MYO7B: variants seen among roughly 807,000 people sequenced by gnomAD.
MYO7B encodes the protein unconventional myosin-VIIb.
Under a neutral mutation model 259.7 loss-of-function variants are expected in MYO7B, and 212 were observed. That is an observed-to-expected ratio of 0.82 (90% CI 0.73 to 0.91). MYO7B has a LOEUF of 0.91. MYO7B is among the 40% of genes least tolerant of loss of function. The probability of loss-of-function intolerance (pLI) is 0.00; values close to 1 mark genes in which losing one functional copy is unlikely to be tolerated. For synonymous variants in MYO7B, 1,197 were observed against 1,166.4 expected (o/e 1.03, Z -0.54); for missense variants, 2,732 against 2,813.5 (o/e 0.97, Z 0.66).
At chr2:127,621,878 C>G in intron 27 of MYO7B, 104 bp from the exon 28 acceptor site, 1 of 1,491,862 alleles carries the variant, frequency 6.7e-7, no homozygotes, top group East Asian at 2.5e-5. Context: ...CCTCAATGCA[C>G]ATTATACACT....
rs555584636 is a variant in MYO7B, at chr2:127,609,145, G to A, written c.2814+267G>A. Among the ~76,000 whole-genome samples, 4 of 152,270 alleles carry A rather than the reference G, an allele frequency of 2.6e-5. No homozygotes were observed. Among genetic ancestry groups the A allele is most frequent in the Non-Finnish European group, 4.4e-5 (3 of 68,010 alleles). ...GGCTCTCCATCACATGGCATTCCCC[G>A]CGTATATTTGACCCCACCCGGGCAC... is the stretch of plus-strand genomic sequence containing the variant. On this transcript the variant is annotated intron_variant, in intron 22 of 47. Coordinates refer to ENST00000409816, the MANE Select transcript of MYO7B (RefSeq NM_001393586.1). This position sits in a 1 kb window ranked among gnomAD's most constrained non-coding sequence, Gnocchi z 6.9.
rs1677981852 is a variant in MYO7B at position 127,559,569 on chromosome 2, C to T, written c.-23-131C>T. Reference sequence around the variant, plus strand: ...GTGACTCATTCATCCATTTATTCAGCATTGTTTTTGAGCCAGGTCCCATGC... The same window carrying T: ...GTGACTCATTCATCCATTTATTCAGTATTGTTTTTGAGCCAGGTCCCATGC... On this transcript the variant is annotated intron_variant, in intron 1 of 47. Transcript: ENST00000409816. The surrounding 1 kb of genome is among the most constrained non-coding windows in gnomAD (Gnocchi z 4.1). The T allele has an allele frequency of 1.3e-6, 1 of 775,934 alleles. No individual in the cohort carries two copies. The highest frequency in any genetic ancestry group is 2.2e-6 in the Non-Finnish European group (1 of 444,878). The allele number at this position is 775,934 out of a possible 1,614,324, so 48.1% of individuals were successfully genotyped here. A position where few individuals can be genotyped will look rare whatever the true frequency, so the allele number is the denominator to read the frequency against.
Position 127,590,276 on chromosome 2 carries a change from G to C in MYO7B, c.1992+47G>C, listed in dbSNP as rs750717960. ...ACAGCAAAGGAGGGAGGAGGAGGAG[G>C]CTGATGGCCTCTAGGGTTGTGGTCA... On this transcript the variant is annotated intron_variant, in intron 16 of 47. Coordinates refer to ENST00000409816, the MANE Select transcript of MYO7B (RefSeq NM_001393586.1). The surrounding 1 kb of genome is among the most constrained non-coding windows in gnomAD (Gnocchi z 4.6). 5.6e-6 allele frequency: 9 copies of C among 1,611,410 alleles called. No individual in the cohort carries two copies. In the African/African-American group the frequency reaches 1.1e-4, roughly 19 times the overall value.
chr2:127,566,835 A>T lies in MYO7B; in HGVS notation c.470+8A>T, dbSNP rs758553684. 12 of 1,604,746 alleles carry T rather than the reference A, an allele frequency of 7.5e-6. No individual in the cohort carries two copies. Among genetic ancestry groups the T allele is most frequent in the Non-Finnish European group, 1.0e-5 (12 of 1,178,060 alleles). On this transcript the variant is annotated splice_region_variant and intron_variant, in intron 5 of 47. Transcript: ENST00000409816. ...CCAGTGCTGCATCATCAGGTGAGGC[A>T]GAGGGGTCAGGCACCACCTCCAGGC... is the stretch of plus-strand genomic sequence containing the variant.
chr2:127,624,055 A>G (rs756142833), intron 29 of MYO7B, 38 bp from the exon 30 acceptor site: 2 of 1,521,268 alleles, frequency 1.3e-6, no homozygotes, highest in Non-Finnish European at 1.8e-6. Context: ...TGGGGCATGC[A>G]ACAGCCGCTA....
In MYO7B at chr2:127,615,340, T is replaced by C. The variant is rs1680531055; in HGVS notation, c.3398+2737T>C. ...CTACTGTCACTACTTGAGACCATCG[T>C]TATGAGACAGAACAAAGGGGGATGA... On this transcript the variant is annotated intron_variant, in intron 26 of 47. Transcript: ENST00000409816. This position sits in a 1 kb window ranked among gnomAD's most constrained non-coding sequence, Gnocchi z 4.4. 6.6e-6 allele frequency among the ~76,000 whole-genome samples: 1 copy of C among 152,022 alleles called. No individual in the cohort carries two copies. Among genetic ancestry groups the C allele is most frequent in the Non-Finnish European group, 1.5e-5 (1 of 68,020 alleles).
intron 1 of MYO7B, among the ~76,000 whole-genome samples, chr2:127,557,305 T>C (rs994102914): frequency 1.3e-5 from 2 of 152,166 alleles, no homozygotes; most frequent in African/African-American, 4.8e-5. Context: ...CCTCATTTCT[T>C]GTGTCATTTT....
At position 127,540,618 on chromosome 2, in the gene MYO7B, T is replaced by C. The variant is rs542190019; in HGVS notation, c.-24+4787T>C. Among the ~76,000 whole-genome samples the C allele has an allele frequency of 2.6e-5, 4 of 152,332 alleles. No individual in the cohort carries two copies. The East Asian group carries it at 5.8e-4, about 22-fold the overall frequency. On this transcript the variant is annotated intron_variant, in intron 1 of 47. Coordinates refer to ENST00000409816, the MANE Select transcript of MYO7B (RefSeq NM_001393586.1). ...GAAAAAGTGTTCCTCAAGGGCTTTT[T>C]CTGGAATGAAGGGGGGCATCCAATG...
At chr2:127,593,232 G>C (rs747725223) in intron 17 of MYO7B, among the ~76,000 whole-genome samples, 21 of 152,200 alleles carry the variant, frequency 1.4e-4, no homozygotes, top group Non-Finnish European at 2.9e-4. Context: ...CTCTCCTACC[G>C]CGTCAGGGAG....
chr2:127,634,434 G>A (rs1558855892), intron 41 of MYO7B, 145 bp downstream of exon 41: 1 of 869,634 alleles, frequency 1.1e-6, no homozygotes, highest in South Asian at 1.7e-5. Flanking sequence ...GAGGTAGGTG[G>A]GGTCCTGGAG....
intron 19 of MYO7B, among the ~76,000 whole-genome samples, chr2:127,602,810 G>A (rs1052105671): frequency 4.6e-5 from 7 of 152,226 alleles, no homozygotes; most frequent in African/African-American, 1.7e-4. Context: ...ACCAGCCTGA[G>A]CAACATGGTG....
At position 127,628,127 on chromosome 2, in the gene MYO7B, T is replaced by G; in HGVS notation, c.4461-245T>G. 4 of 649,222 alleles carry G rather than the reference T, an allele frequency of 6.2e-6. No homozygotes were observed. The highest frequency in any genetic ancestry group is 8.5e-6 in the Non-Finnish European group (3 of 351,872). 40.2% of individuals were successfully genotyped at this position (649,222 alleles called of 1,614,324 possible). A position where few individuals can be genotyped will look rare whatever the true frequency, so the allele number is the denominator to read the frequency against. Reference sequence around the variant, plus strand: ...GTGTCACTGCACACCAGCCACCTCATTATCTGCCCACAGCCAACCCCACAC... The same window carrying G: ...GTGTCACTGCACACCAGCCACCTCAGTATCTGCCCACAGCCAACCCCACAC... On this transcript the variant is annotated intron_variant, in intron 33 of 47. Transcript: ENST00000409816. The surrounding 1 kb of genome is among the most constrained non-coding windows in gnomAD (Gnocchi z 4.8).
rs181775628 is a variant in MYO7B, at chr2:127,553,991, C to T, written c.-23-5709C>T. On this transcript the variant is annotated intron_variant, in intron 1 of 47. Transcript: ENST00000409816. ...AAAGGATGCTAGATTTTGTCAAATGCTTTTTCTGCATCTATTGAGATGATC... is the reference window on the plus strand; with the variant it reads ...AAAGGATGCTAGATTTTGTCAAATGTTTTTTCTGCATCTATTGAGATGATC... Among the ~76,000 whole-genome samples the T allele has an allele frequency of 7.9e-3, 1,199 of 152,186 alleles. 19 individuals are homozygous for T. Among genetic ancestry groups the T allele is most frequent in the African/African-American group, 0.027 (1,126 of 41,528 alleles).
Position 127,609,770 on chromosome 2 carries a change from G to A in MYO7B, c.3024+55G>A. 6.2e-7 allele frequency: 1 copy of A among 1,611,642 alleles called. No homozygotes were observed. Among genetic ancestry groups the A allele is most frequent in the Non-Finnish European group, 8.5e-7 (1 of 1,177,962 alleles). ...CAGGCCAGCCCCGAGCCTGGGGTGTGAGCTATGGCTCGGGGAAAGAAGGAA... is the reference window on the plus strand; with the variant it reads ...CAGGCCAGCCCCGAGCCTGGGGTGTAAGCTATGGCTCGGGGAAAGAAGGAA... On this transcript the variant is annotated intron_variant, in intron 23 of 47. Coordinates refer to ENST00000409816, the MANE Select transcript of MYO7B (RefSeq NM_001393586.1). This position sits in a 1 kb window ranked among gnomAD's most constrained non-coding sequence, Gnocchi z 6.9.
In MYO7B at chr2:127,560,873, C is replaced by A. The variant is rs543784141; in HGVS notation, c.18+1133C>A. 2.3e-3 allele frequency among the ~76,000 whole-genome samples: 356 copies of A among 152,296 alleles called. 2 individuals are homozygous for A. The highest frequency in any genetic ancestry group is 7.9e-3 in the African/African-American group (327 of 41,572). On this transcript the variant is annotated intron_variant, in intron 2 of 47. Coordinates refer to ENST00000409816, the MANE Select transcript of MYO7B (RefSeq NM_001393586.1). ...TGCGAGGAGGACCTTCACTACGCAG[C>A]GGCCCCTGGTGCTGCCACTAAGCCT...
intron 7 of MYO7B, among the ~76,000 whole-genome samples, chr2:127,574,339 C>T (rs1334921013): frequency 1.3e-5 from 2 of 152,060 alleles, no homozygotes; most frequent in Non-Finnish European, 2.9e-5. Flanking sequence ...AGTTTGAGAT[C>T]AGCCTGGCCA....
chr2:127,629,597 C>T (rs982565328), intron 34 of MYO7B, 48 bp from the exon 35 acceptor site: 7 of 1,563,966 alleles, frequency 4.5e-6, no homozygotes, highest in Non-Finnish European at 6.1e-6. Context: ...CCAGCACAGC[C>T]TCTGGCCCCT....
At position 127,634,229 on chromosome 2, in the gene MYO7B, C is replaced by T. The variant is rs996448189; in HGVS notation, c.5565C>T (p.Ala1855=). 6.3e-7 allele frequency: 1 copy of T among 1,596,910 alleles called. No homozygotes were observed. The highest frequency in any genetic ancestry group is 8.5e-7 in the Non-Finnish European group (1 of 1,175,306). Residue 1855 remains alanine (A), a synonymous_variant, in exon 41 of 48, where the codon GCC becomes GCT. Coordinates refer to ENST00000409816, the MANE Select transcript of MYO7B (RefSeq NM_001393586.1). The stretch of plus-strand genomic sequence containing the variant: ...TGCGGGATGTGTGTGACAGCATTGC[C>T]ACCAGGCTGCAGCTGGCCTCCTGGG... ...TRVRDVCDSI[A]TRLQLASWEG...
intron 38 of MYO7B, 43 bp from the exon 39 acceptor site, chr2:127,632,203 C>A: frequency 1.3e-6 from 2 of 1,586,360 alleles, no homozygotes; most frequent in South Asian, 1.1e-5. Context: ...CTGGCCAGGG[C>A]CCCCTGAGGG....
Sources: allele counts gnomAD v4.1 joint callset (sites outside exome capture counted in the v4.1 genomes callset), GRCh38; gene constraint gnomAD v4.1.1; non-coding constraint Gnocchi (gnomAD v3.1); transcripts MANE v1.5; gene names NCBI Gene and HGNC (gene_info 2026-07-23, HGNC 2026-07-21).